The following SPATA13 variants were observed in gnomAD, a reference collection of about 807,000 sequenced individuals.
The protein encoded by SPATA13 is spermatogenesis-associated protein 13.
In SPATA13, 50 loss-of-function variants were observed where a neutral mutation model predicts 104.0. The ratio of observed to expected loss-of-function variants is 0.48; its 90% CI spans 0.38 to 0.61. SPATA13 has a LOEUF of 0.61. Ranked by LOEUF, SPATA13 falls within the 20% of genes least tolerant of loss-of-function variation. SPATA13 has a pLI of 0.00. For synonymous variants in SPATA13, 606 were observed against 667.5 expected (o/e 0.91, Z 1.42); for missense variants, 1,524 against 1,690.6 (o/e 0.90, Z 1.73).
intron 1 of SPATA13, among the ~76,000 whole-genome samples, chr13:24,203,586 AG>A (rs1214602444): frequency 1.3e-5 from 2 of 152,220 alleles, no homozygotes; most frequent in Non-Finnish European, 2.9e-5. Flanking sequence ...ACAGCAATGC[AG>A]TGCCTTGCAG....
intron 3 of SPATA13, among the ~76,000 whole-genome samples, chr13:24,077,392 A>C (rs1879367834): frequency 1.3e-5 from 2 of 152,126 alleles, no homozygotes; most frequent in East Asian, 1.9e-4. Context: ...TGACAAGTAC[A>C]TGTGATCATA....
chr13:24,262,673 A>C (rs952395204), intron 4 of SPATA13, among the ~76,000 whole-genome samples: 1 of 152,208 alleles, frequency 6.6e-6, no homozygotes, highest in South Asian at 2.1e-4. Context: ...TGTCCCACAG[A>C]TGTGGAAGAA....
chr13:24,202,663 A>C (rs1371229568), intron 1 of SPATA13, among the ~76,000 whole-genome samples: 1 of 151,174 alleles, frequency 6.6e-6, no homozygotes, highest in Non-Finnish European at 1.5e-5. Context: ...GGAGGAGGGA[A>C]TCTTGCAAAA....
At chr13:24,030,049 C>T (rs1877408040) in intron 3 of SPATA13, among the ~76,000 whole-genome samples, 2 of 32,156 alleles carry the variant, frequency 6.2e-5, no homozygotes, top group Admixed American at 7.2e-4. Context: ...CTTCTCCTAA[C>T]ACACACACAC....
intron 3 of SPATA13, among the ~76,000 whole-genome samples, chr13:24,117,282 G>T (rs1340546729): frequency 1.3e-5 from 2 of 152,060 alleles, no homozygotes; most frequent in South Asian, 2.1e-4. Context: ...TAGTGTCTGT[G>T]GTCTGATGTT....
chr13:24,140,923 G>A lies in SPATA13; in HGVS notation c.-111-81896G>A, dbSNP rs189397984. Among the ~76,000 whole-genome samples, 388 of 152,224 alleles carry A rather than the reference G, an allele frequency of 2.5e-3. 2 individuals are homozygous for A. The highest frequency in any genetic ancestry group is 4.2e-3 in the Admixed American group (64 of 15,296). The stretch of plus-strand genomic sequence containing the variant: ...GGCCACTGTGGCTCACGCCTGTAAC[G>A]CCAGCACTTTGGGATTACAGGTGGG... On this transcript the variant is annotated intron_variant, in intron 3 of 14. Transcript: ENST00000424834.
intron 4 of SPATA13, among the ~76,000 whole-genome samples, chr13:24,276,853 A>G (rs145220617): frequency 6.6e-6 from 1 of 152,324 alleles, no homozygotes; most frequent in East Asian, 1.9e-4. Context: ...TGAAGAAGGC[A>G]GCAGCACCGG....
chr13:24,259,268 G>A (rs568969137), intron 4 of SPATA13, among the ~76,000 whole-genome samples: 5 of 152,378 alleles, frequency 3.3e-5, no homozygotes, highest in African/African-American at 9.6e-5. Flanking sequence ...TTCTGCTGCT[G>A]TCTGCAGGGA....
chr13:24,017,449 T>G (rs1331163024), intron 2 of SPATA13, among the ~76,000 whole-genome samples: 1 of 152,224 alleles, frequency 6.6e-6, no homozygotes, highest in African/African-American at 2.4e-5. Flanking sequence ...CTCCATGCTC[T>G]AAAATTCTGC....
At chr13:24,210,020 T>C (rs1870924722) in intron 1 of SPATA13, among the ~76,000 whole-genome samples, 1 of 152,204 alleles carries the variant, frequency 6.6e-6, no homozygotes, top group African/African-American at 2.4e-5. Context: ...AGAATTTTGA[T>C]GTTGAGCACC....
rs758074509 is a variant in SPATA13 at position 24,294,785 on chromosome 13, G to T, written c.3127G>T (p.Ala1043Ser). 1 of 1,610,742 alleles carries T rather than the reference G, an allele frequency of 6.2e-7. No individual in the cohort carries two copies. The highest frequency in any genetic ancestry group is 8.5e-7 in the Non-Finnish European group (1 of 1,177,082). ...KAAYEAMKNV[A>S]CLINERKRKL... The stretch of plus-strand genomic sequence containing the variant: ...AGCATATGAGGCCATGAAGAATGTG[G>T]CCTGTCTGATCAACGAGCGCAAGCG... Residue 1043 changes from alanine to serine, a missense_variant, in exon 10 of 13, where the codon GCC (alanine) becomes TCC (serine). Ala to Ser is a moderately conservative substitution (Grantham distance 99, BLOSUM62 1). This residue lies in a region of SPATA13 where 435 missense variants were observed against 554.8 expected (regional missense o/e 0.78). Transcript: ENST00000382108.
At position 24,085,050 on chromosome 13, in the gene SPATA13, T is replaced by C. The variant is rs968596070; in HGVS notation, c.-112+67349T>C. 6.6e-5 allele frequency among the ~76,000 whole-genome samples: 10 copies of C among 151,958 alleles called. 1 individual carries two copies. Among genetic ancestry groups the C allele is most frequent in the African/African-American group, 1.7e-4 (7 of 41,402 alleles). On this transcript the variant is annotated intron_variant, in intron 3 of 14. Transcript: ENST00000424834. ...GTTCGCAGTCGCCTGGGATTCTGGG[T>C]TGGGGAGGCGGTGCCTTCGTGGCGA... is the stretch of plus-strand genomic sequence containing the variant.
At chr13:24,116,776 C>G (rs1034688988) in intron 3 of SPATA13, among the ~76,000 whole-genome samples, 1 of 151,466 alleles carries the variant, frequency 6.6e-6, no homozygotes. Flanking sequence ...CCAGCCCCCC[C>G]CCCCCAATGT....
At chr13:24,127,515 G>GA (rs1006963650) in intron 3 of SPATA13, among the ~76,000 whole-genome samples, 6 of 152,216 alleles carry the variant, frequency 3.9e-5, no homozygotes, top group Non-Finnish European at 8.8e-5. Context: ...GGAGAAGGGT[G>GA]AACCATAGAG....
At chr13:24,273,489 A>G (rs538101812) in intron 4 of SPATA13, among the ~76,000 whole-genome samples, 46 of 152,318 alleles carry the variant, frequency 3.0e-4, no homozygotes, top group Non-Finnish European at 5.1e-4. Flanking sequence ...AATGGCTTGA[A>G]AGTCTAGATT....
intron 1 of SPATA13, 76 bp from the exon 2 acceptor site, chr13:24,222,743 C>A: frequency 1.6e-6 from 2 of 1,266,372 alleles, no homozygotes; most frequent in East Asian, 2.6e-5. Context: ...TGTGCTGGAG[C>A]GTGCCTCTTC....
chr13:24,147,279 C>T (rs978089109), intron 3 of SPATA13, among the ~76,000 whole-genome samples: 25 of 152,066 alleles, frequency 1.6e-4, no homozygotes, highest in African/African-American at 5.3e-4. Context: ...GAATGATGAC[C>T]GTATTGAGTA....
chr13:23,984,404 G>A (rs1461386609), intron 2 of SPATA13, among the ~76,000 whole-genome samples: 2 of 152,150 alleles, frequency 1.3e-5, no homozygotes, highest in African/African-American at 4.8e-5. Flanking sequence ...TCCATCATTT[G>A]CTGAAAGAAT....
At position 24,249,608 on chromosome 13, in the gene SPATA13, G is replaced by A. The variant is rs768270305; in HGVS notation, c.1785G>A (p.Gln595=). The A allele has an allele frequency of 6.2e-7, 1 of 1,613,962 alleles. No homozygotes were observed. Among genetic ancestry groups the A allele is most frequent in the Non-Finnish European group, 8.5e-7 (1 of 1,179,896 alleles). The change falls in exon 3 of 13, where the codon CAG becomes CAA. Residue 595 remains glutamine, a synonymous_variant. Coordinates refer to ENST00000382108, the MANE Select transcript of SPATA13 (RefSeq NM_001166271.3). ...PRPRPFSDYG[Q]LASRSLSIPE... is the part of the protein sequence containing the mutation. ...CTCGGCCATTCTCTGACTACGGCCAGCTGGCCAGCCGCAGTTTGTCTATTC... is the reference window on the plus strand; with the variant it reads ...CTCGGCCATTCTCTGACTACGGCCAACTGGCCAGCCGCAGTTTGTCTATTC...
Sources: allele counts gnomAD v4.1 joint callset (sites outside exome capture counted in the v4.1 genomes callset), GRCh38; gene constraint gnomAD v4.1.1; regional missense constraint gnomAD v4.1.1; transcripts MANE v1.5; gene names NCBI Gene and HGNC (gene_info 2026-07-23, HGNC 2026-07-21).